Variants in KCNU1 observed in about 807,000 individuals in gnomAD.
KCNU1 encodes potassium calcium-activated channel subfamily U member 1, also known as potassium channel subfamily U member 1.
In KCNU1, 93 loss-of-function variants were observed where a neutral mutation model predicts 126.8. The ratio of observed to expected loss-of-function variants is 0.73; its 90% CI spans 0.62 to 0.87. The LOEUF is 0.87. Ranked by LOEUF, KCNU1 falls within the 40% of genes least tolerant of loss-of-function variation. KCNU1 has a pLI of 0.00. For synonymous variants in KCNU1, 523 were observed against 494.2 expected (o/e 1.06, Z -0.77); for missense variants, 1,330 against 1,367.1 (o/e 0.97, Z 0.43).
intron 10 of KCNU1, among the ~76,000 whole-genome samples, chr8:36,825,335 C>T (rs1804278868): frequency 6.6e-6 from 1 of 151,984 alleles, no homozygotes; most frequent in African/African-American, 2.4e-5. Flanking sequence ...ATCGTTAGAC[C>T]TTTTTTATTT....
rs762631926 is a variant in KCNU1, at chr8:36,910,912, C to T, written c.2332-18C>T. 2.0e-6 allele frequency: 3 copies of T among 1,527,764 alleles called. No homozygotes were observed. In the East Asian group the frequency reaches 7.0e-5, roughly 35 times the overall value. The allele number at this position is 1,527,764 out of a possible 1,614,324, so 94.6% of individuals were successfully genotyped here. A position where few individuals can be genotyped will look rare whatever the true frequency, so the allele number is the denominator to read the frequency against. On this transcript the variant is annotated intron_variant, in intron 21 of 26. Transcript: ENST00000399881. Reference sequence around the variant, plus strand: ...CCTCCATCCGACCAGTGCCTCCTCTCTCTTTTCCTCTCATTAGGGATGTGC... The same window carrying T: ...CCTCCATCCGACCAGTGCCTCCTCTTTCTTTTCCTCTCATTAGGGATGTGC...
At chr8:36,899,340 G>A (rs1253637952) in intron 19 of KCNU1, among the ~76,000 whole-genome samples, 2 of 151,966 alleles carry the variant, frequency 1.3e-5, no homozygotes, top group Non-Finnish European at 2.9e-5. Context: ...TGAAAACAGA[G>A]GCCATGAGTT....
At chr8:36,887,159 T>C (rs544274423) in intron 19 of KCNU1, among the ~76,000 whole-genome samples, 126 of 152,310 alleles carry the variant, frequency 8.3e-4, no homozygotes, top group African/African-American at 3.0e-3. Flanking sequence ...TTTGGGTAGA[T>C]ACCCAGCAGT....
chr8:36,840,096 A>T (rs1043047554), intron 14 of KCNU1, among the ~76,000 whole-genome samples: 1 of 152,210 alleles, frequency 6.6e-6, no homozygotes, highest in African/African-American at 2.4e-5. Flanking sequence ...TTGAGTAGTC[A>T]TATCCAGAGA....
intron 2 of KCNU1, among the ~76,000 whole-genome samples, chr8:36,796,925 A>G (rs1803121681): frequency 1.3e-5 from 2 of 152,186 alleles, no homozygotes; most frequent in Admixed American, 1.3e-4. Context: ...GAGATTAAAT[A>G]TACTGCATAA....
At chr8:36,856,624 T>C (rs973139009) in intron 18 of KCNU1, among the ~76,000 whole-genome samples, 9 of 152,186 alleles carry the variant, frequency 5.9e-5, no homozygotes, top group African/African-American at 2.2e-4. Context: ...CTGATCTCTA[T>C]GGTAAGCTCT....
rs76602441 is a variant in KCNU1 at position 36,794,209 on chromosome 8, A to G, written c.315+6784A>G. 4.3e-3 allele frequency among the ~76,000 whole-genome samples: 651 copies of G among 152,218 alleles called. 6 individuals carry two copies. Among genetic ancestry groups the G allele is most frequent in the African/African-American group, 0.015 (613 of 41,548 alleles). On this transcript the variant is annotated intron_variant, in intron 2 of 26. Transcript: ENST00000399881. ...TGTCTCCTTGATGGCCCCACAGATT[A>G]AATTCCAGCTTTGATTAGAAAGAAC... is the stretch of plus-strand genomic sequence containing the variant.
At chr8:36,925,900 T>C (rs191305566) in intron 24 of KCNU1, among the ~76,000 whole-genome samples, 28 of 152,222 alleles carry the variant, frequency 1.8e-4, no homozygotes, top group African/African-American at 6.0e-4. Flanking sequence ...CCCCATTAAC[T>C]TAGAAAGGCA....
At chr8:36,801,052 G>C (rs1270227690) in intron 2 of KCNU1, among the ~76,000 whole-genome samples, 1 of 152,140 alleles carries the variant, frequency 6.6e-6, no homozygotes, top group Non-Finnish European at 1.5e-5. Flanking sequence ...AGCCACATGG[G>C]TCATCATAAA....
intron 2 of KCNU1, among the ~76,000 whole-genome samples, chr8:36,792,009 G>A (rs1282659164): frequency 6.6e-6 from 1 of 151,992 alleles, no homozygotes; most frequent in Non-Finnish European, 1.5e-5. Context: ...ACACTGTCAG[G>A]AAACACTACA....
intron 18 of KCNU1, among the ~76,000 whole-genome samples, chr8:36,863,861 A>G (rs1381569586): frequency 6.6e-6 from 1 of 152,192 alleles, no homozygotes; most frequent in Non-Finnish European, 1.5e-5. Context: ...AGGAGAGAAA[A>G]TGATTTCTTT....
intron 19 of KCNU1, chr8:36,888,690 A>G (rs1806819610): frequency 3.7e-6 from 2 of 534,442 alleles, no homozygotes; most frequent in Non-Finnish European, 7.7e-6. Context: ...ACTAGTGTTG[A>G]TATTGTTACA....
intron 19 of KCNU1, among the ~76,000 whole-genome samples, chr8:36,880,377 T>A (rs1806431910): frequency 6.6e-6 from 1 of 152,204 alleles, no homozygotes; most frequent in African/African-American, 2.4e-5. Context: ...TTTGTTACCA[T>A]TTATGGCCTC....
chr8:36,909,498 G>A lies in KCNU1; in HGVS notation c.2294G>A (p.Arg765Gln), dbSNP rs533356839. The change falls in exon 21 of 27, where the codon CGA becomes CAA. Residue 765 changes from arginine to glutamine, a missense_variant. Arg to Gln is a conservative substitution (Grantham distance 43). This residue lies in a region of KCNU1 where 1,054 missense variants were observed against 1,053.9 expected (regional missense o/e 1.00). Coordinates refer to ENST00000399881, the MANE Select transcript of KCNU1 (RefSeq NM_001031836.3). ...GSLDYLQREW[R>Q]FLWNFPQIYI... ...CTGGACTATCTACAGAGAGAATGGCGATTTCTCTGGAATTTTCCCCAGATA... is the reference window on the plus strand; with the variant it reads ...CTGGACTATCTACAGAGAGAATGGCAATTTCTCTGGAATTTTCCCCAGATA... 8.7e-6 allele frequency: 14 copies of A among 1,611,300 alleles called. No individual in the cohort carries two copies. The highest frequency in any genetic ancestry group is 3.3e-5 in the South Asian group (3 of 90,996).
At position 36,794,950 on chromosome 8, in the gene KCNU1, C is replaced by CA. The variant is rs200068795; in HGVS notation, c.315+7529dup. ...CAACAAAAACAAAAACAAAACAAAACAAAACAAAAACATAAGAAATGAAAG... is the reference window on the plus strand; with the variant it reads ...CAACAAAAACAAAAACAAAACAAAACAAAAACAAAAACATAAGAAATGAAAG... On this transcript the variant is annotated intron_variant, in intron 2 of 26. Coordinates refer to ENST00000399881, the MANE Select transcript of KCNU1 (RefSeq NM_001031836.3). Among the ~76,000 whole-genome samples, 219 of 151,130 alleles carry CA rather than the reference C, an allele frequency of 1.4e-3. 1 individual carries two copies. The highest frequency in any genetic ancestry group is 4.0e-3 in the South Asian group (19 of 4,768).
chr8:36,920,498 T>C (rs1010670), intron 23 of KCNU1, among the ~76,000 whole-genome samples: 52,422 of 152,108 alleles, frequency 0.34, 9,726 homozygotes, highest in Admixed American at 0.42. Flanking sequence ...TGGCACCATG[T>C]AGCCCTTGTC....
intron 10 of KCNU1, among the ~76,000 whole-genome samples, chr8:36,822,646 T>C (rs535214971): frequency 7.9e-5 from 12 of 152,292 alleles, no homozygotes; most frequent in Non-Finnish European, 1.8e-4. Context: ...TATTAACTTA[T>C]ATTTCCATAA....
rs755486903 is a variant in KCNU1 at position 36,909,460 on chromosome 8, G to A, written c.2256G>A (p.Val752=). ...CCAGGAAGGAGCTGAAGGACATAGT[G>A]TTCATTGGGTCTCTGGACTATCTAC... The part of the protein sequence containing the change: ...NYTRKELKDI[V]FIGSLDYLQR... The change falls in exon 21 of 27, where the codon GTG becomes GTA. Residue 752 remains valine, a synonymous_variant. Transcript: ENST00000399881. 4 of 1,613,596 alleles carry A rather than the reference G, an allele frequency of 2.5e-6. No homozygotes were observed. Among genetic ancestry groups the A allele is most frequent in the African/African-American group, 1.3e-5 (1 of 75,034 alleles).
intron 10 of KCNU1, among the ~76,000 whole-genome samples, chr8:36,825,797 A>G (rs1804296579): frequency 6.6e-6 from 1 of 151,798 alleles, no homozygotes; most frequent in Non-Finnish European, 1.5e-5. Context: ...TCATTGAAGG[A>G]CAATTTCACA....
Sources: gnomAD v4.1 joint callset for allele counts (sites outside exome capture counted in the v4.1 genomes callset) on GRCh38, gnomAD v4.1.1 for gene constraint, gnomAD v4.1.1 regional missense constraint, MANE v1.5 for transcripts, NCBI Gene and HGNC (gene_info 2026-07-23, HGNC 2026-07-21) for gene names.